WDR70: variants seen among roughly 807,000 people sequenced by gnomAD.
WDR70 encodes WD repeat-containing protein 70.
WDR70 carries 53 observed loss-of-function variants against 88.6 expected under a neutral mutation model. That is an observed-to-expected ratio of 0.60 (90% CI 0.48 to 0.75). WDR70 has a LOEUF of 0.75. WDR70 is among the 30% of genes least tolerant of loss of function. WDR70 has a pLI of 0.00. For synonymous variants in WDR70, 280 were observed against 270.0 expected (o/e 1.04, Z -0.36); for missense variants, 610 against 823.2 (o/e 0.74, Z 3.17).
intron 4 of WDR70, among the ~76,000 whole-genome samples, chr5:37,392,698 G>A (rs1017636265): frequency 6.6e-6 from 1 of 152,148 alleles, no homozygotes; most frequent in Non-Finnish European, 1.5e-5. Context: ...AGGCTGGAGT[G>A]CAGTGGCTTG....
intron 9 of WDR70, among the ~76,000 whole-genome samples, chr5:37,563,972 G>A (rs1244807399): frequency 6.8e-6 from 1 of 147,622 alleles, no homozygotes; most frequent in African/African-American, 2.5e-5. Flanking sequence ...ACGATGGGCG[G>A]CCTGGCAGAG....
chr5:37,704,097 T>G (rs941412619), intron 13 of WDR70, among the ~76,000 whole-genome samples: 3 of 152,194 alleles, frequency 2.0e-5, no homozygotes, highest in Admixed American at 6.5e-5. Context: ...TAGAGTATTA[T>G]AGGAAAAGTG....
chr5:37,387,841 C>CA (rs61198878), intron 3 of WDR70, among the ~76,000 whole-genome samples: 3,864 of 152,130 alleles, frequency 0.025, 154 homozygotes, highest in African/African-American at 0.088. Context: ...CTCATATGGG[C>CA]ATTATTTATC....
At chr5:37,749,485 C>T (rs936634474) in intron 17 of WDR70, among the ~76,000 whole-genome samples, 4 of 151,784 alleles carry the variant, frequency 2.6e-5, no homozygotes, top group African/African-American at 9.7e-5. Flanking sequence ...ACAGGTCATG[C>T]AGCAAACCAC....
chr5:37,721,394 A>G, intron 14 of WDR70, 179 bp downstream of exon 14: 1 of 603,178 alleles, frequency 1.7e-6, no homozygotes, highest in South Asian at 2.1e-5. Context: ...GGATTTGAAT[A>G]TTGCCCTTGA....
In WDR70 at chr5:37,647,730, T is replaced by G. The variant is rs185365479; in HGVS notation, c.1092+42492T>G. The stretch of plus-strand genomic sequence containing the variant: ...TCTTTCCTTACTCCCAAACTTACTT[T>G]GTTTGTTTCTCCTAAACAAGCAAGA... On this transcript the variant is annotated intron_variant, in intron 10 of 17. Transcript: ENST00000265107. Among the ~76,000 whole-genome samples, 494 of 152,318 alleles carry G rather than the reference T, an allele frequency of 3.2e-3. 4 individuals carry two copies. The highest frequency in any genetic ancestry group is 2.4e-3 in the Non-Finnish European group (166 of 68,026).
intron 9 of WDR70, among the ~76,000 whole-genome samples, chr5:37,553,786 C>T (rs1001466232): frequency 1.3e-5 from 2 of 152,162 alleles, no homozygotes; most frequent in Non-Finnish European, 2.9e-5. Flanking sequence ...GGTTTGAATC[C>T]AGGCTCTGCC....
intron 9 of WDR70, among the ~76,000 whole-genome samples, chr5:37,557,941 T>TCTTCAAAAGAGTACTCTTTTTAAA (rs1273640422): frequency 1.9e-5 from 1 of 52,188 alleles, no homozygotes; most frequent in African/African-American, 5.7e-5. Flanking sequence ...CTCTTTTGAA[T>TCTTCAAAAGAGTACTCTTTTTAAA]ACTCTTCAAA....
rs112391486 is a variant in WDR70, at chr5:37,634,162, G to A, written c.1092+28924G>A. The stretch of plus-strand genomic sequence containing the variant: ...AAAATACAAAAAATTAGCTGGACGT[G>A]GTGGCAGGTGCCTGTAGTCCCAGCT... On this transcript the variant is annotated intron_variant, in intron 10 of 17. Coordinates refer to ENST00000265107, the MANE Select transcript of WDR70 (RefSeq NM_018034.4). Among the ~76,000 whole-genome samples, 1,128 of 151,890 alleles carry A rather than the reference G, an allele frequency of 7.4e-3. 17 individuals are homozygous for A. The highest frequency in any genetic ancestry group is 0.026 in the African/African-American group (1,060 of 41,408).
chr5:37,419,551 T>A (rs1288744555), intron 5 of WDR70, among the ~76,000 whole-genome samples: 2 of 150,468 alleles, frequency 1.3e-5, no homozygotes, highest in Non-Finnish European at 1.5e-5. Flanking sequence ...TGGTGGCTCA[T>A]GCCTGTAATC....
intron 9 of WDR70, among the ~76,000 whole-genome samples, chr5:37,601,141 T>G (rs1743869699): frequency 6.6e-6 from 1 of 152,228 alleles, no homozygotes; most frequent in Non-Finnish European, 1.5e-5. Flanking sequence ...CACTGTTGAG[T>G]ATGATGTTAG....
At chr5:37,721,607 T>C in intron 14 of WDR70, 1 of 176,858 alleles carries the variant, frequency 5.7e-6, no homozygotes, top group South Asian at 1.5e-4. Context: ...TTTGCTTCTT[T>C]CTTTTTTGGC....
chr5:37,551,496 G>A (rs1055750681), intron 9 of WDR70, among the ~76,000 whole-genome samples: 2 of 151,842 alleles, frequency 1.3e-5, no homozygotes, highest in African/African-American at 2.4e-5. Flanking sequence ...TTGGGAGGCC[G>A]AGGCAGGTGG....
At chr5:37,581,726 A>G (rs1211857514) in intron 9 of WDR70, among the ~76,000 whole-genome samples, 1 of 152,168 alleles carries the variant, frequency 6.6e-6, no homozygotes, top group Non-Finnish European at 1.5e-5. Context: ...ACACATATAT[A>G]CGATTTTAGG....
chr5:37,648,011 C>T (rs12332493), intron 10 of WDR70, among the ~76,000 whole-genome samples: 15,998 of 152,114 alleles, frequency 0.11, 2,715 homozygotes, highest in African/African-American at 0.36. Context: ...TTTCCTCCCT[C>T]GACACTTGGG....
intron 8 of WDR70, among the ~76,000 whole-genome samples, chr5:37,480,731 C>T (rs541088574): frequency 6.6e-6 from 1 of 152,202 alleles, no homozygotes; most frequent in Non-Finnish European, 1.5e-5. Flanking sequence ...CTGCCTCGGC[C>T]CCTCCGAAAT....
chr5:37,745,824 A>G (rs1361377088), intron 17 of WDR70, among the ~76,000 whole-genome samples: 1 of 152,198 alleles, frequency 6.6e-6, no homozygotes, highest in Non-Finnish European at 1.5e-5. Flanking sequence ...CCACACATTA[A>G]TAGTGGGAGA....
intron 7 of WDR70, among the ~76,000 whole-genome samples, chr5:37,462,146 T>C (rs1303660327): frequency 2.6e-5 from 4 of 152,158 alleles, no homozygotes; most frequent in African/African-American, 9.6e-5. Flanking sequence ...GATGAAGTCC[T>C]CAGCTCTTTT....
rs376860657 is a variant in WDR70, at chr5:37,420,018, C to T, written c.493-17904C>T. On this transcript the variant is annotated intron_variant, in intron 5 of 17. Coordinates refer to ENST00000265107, the MANE Select transcript of WDR70 (RefSeq NM_018034.4). ...ACTTTCAAAGTGCTGGGATTACAGG[C>T]GTGAGCCACCGTGCCTGGCCCATAT... Among the ~76,000 whole-genome samples, 49 of 152,052 alleles carry T rather than the reference C, an allele frequency of 3.2e-4. No homozygotes were observed. In the East Asian group the frequency reaches 8.5e-3, roughly 26 times the overall value.
Sources: allele counts gnomAD v4.1 joint callset (sites outside exome capture counted in the v4.1 genomes callset), GRCh38; gene constraint gnomAD v4.1.1; transcripts MANE v1.5; gene names NCBI Gene and HGNC (gene_info 2026-07-23, HGNC 2026-07-21).